Variants in SOX6 observed in about 807,000 individuals in gnomAD.
The protein encoded by SOX6 is transcription factor SOX-6.
A neutral mutation model predicts 97.8 loss-of-function variants in SOX6; 11 were observed. The observed-to-expected ratio is 0.11, with a 90% confidence interval of 0.07 to 0.19. The LOEUF is 0.19. Ranked by LOEUF, SOX6 falls within the 10% of genes least tolerant of loss-of-function variation. The probability of loss-of-function intolerance (pLI) is 1.00; values close to 1 mark genes in which losing one functional copy is unlikely to be tolerated. For missense variants in SOX6, 810 were observed against 1,039.5 expected, an observed-to-expected ratio of 0.78 and a Z score of 3.04; for synonymous variants, 360 against 371.4, an observed-to-expected ratio of 0.97 and a Z score of 0.35.
intron 6 of SOX6, among the ~76,000 whole-genome samples, chr11:16,159,027 C>T (rs1157174721): frequency 2.0e-5 from 3 of 151,990 alleles, no homozygotes; most frequent in African/African-American, 7.2e-5. Flanking sequence ...CATCTCCTTT[C>T]TTTGCAGGAG....
intron 4 of SOX6, among the ~76,000 whole-genome samples, chr11:16,537,360 A>G (rs919133315): frequency 2.0e-5 from 3 of 152,172 alleles, no homozygotes; most frequent in Non-Finnish European, 4.4e-5. Flanking sequence ...AACCACAAAC[A>G]TGAGGAGAAA....
intron 4 of SOX6, among the ~76,000 whole-genome samples, chr11:16,537,508 C>T (rs1240068534): frequency 6.6e-6 from 1 of 152,042 alleles, no homozygotes; most frequent in African/African-American, 2.4e-5. Context: ...TTCAGAAGGT[C>T]GGTAACAACA....
chr11:16,167,978 A>G (rs1850929333), intron 6 of SOX6, among the ~76,000 whole-genome samples: 1 of 152,232 alleles, frequency 6.6e-6, no homozygotes, highest in Admixed American at 6.5e-5. Context: ...AGTATCAGAA[A>G]CATAACAACT....
At chr11:16,246,269 T>C (rs531859247) in intron 3 of SOX6, among the ~76,000 whole-genome samples, 2 of 151,834 alleles carry the variant, frequency 1.3e-5, no homozygotes, top group Admixed American at 1.3e-4. Flanking sequence ...TTCTATAGAA[T>C]CAATCATATT....
chr11:16,437,384 C>T (rs901448989), intron 1 of SOX6, among the ~76,000 whole-genome samples: 1 of 152,036 alleles, frequency 6.6e-6, no homozygotes, highest in Non-Finnish European at 1.5e-5. Context: ...CCCATATCCC[C>T]ATACCCAACC....
chr11:16,563,234 TG>T (rs1847835512), intron 4 of SOX6, among the ~76,000 whole-genome samples: 2 of 151,392 alleles, frequency 1.3e-5, no homozygotes, highest in African/African-American at 4.9e-5. Flanking sequence ...AAGAACCAAA[TG>T]AAAAAAAAAC....
At chr11:16,683,405 GA>G (rs1406623833) in intron 3 of SOX6, among the ~76,000 whole-genome samples, 1 of 152,028 alleles carries the variant, frequency 6.6e-6, no homozygotes, top group Non-Finnish European at 1.5e-5. Flanking sequence ...CAATAGAACA[GA>G]ACAGAGGCCT....
chr11:16,065,676 T>C (rs915809766), intron 9 of SOX6, among the ~76,000 whole-genome samples: 3 of 152,022 alleles, frequency 2.0e-5, no homozygotes, highest in Non-Finnish European at 4.4e-5. Context: ...ATCTCTTCAA[T>C]AAATGGGGCT....
chr11:16,512,503 A>G (rs1860895328), intron 4 of SOX6, among the ~76,000 whole-genome samples: 1 of 152,250 alleles, frequency 6.6e-6, no homozygotes, highest in Non-Finnish European at 1.5e-5. Context: ...GCAGTGCTCA[A>G]GAAGCACACA....
intron 3 of SOX6, among the ~76,000 whole-genome samples, chr11:16,638,616 T>G (rs1452368911): frequency 6.6e-6 from 1 of 152,226 alleles, no homozygotes; most frequent in African/African-American, 2.4e-5. Flanking sequence ...CCATTCTAAC[T>G]GGTCTGAGAT....
chr11:16,515,181 T>C (rs1860949857), intron 4 of SOX6, among the ~76,000 whole-genome samples: 1 of 151,796 alleles, frequency 6.6e-6, no homozygotes, highest in Admixed American at 6.6e-5. Context: ...AAAGTGTTCC[T>C]ATTTCTCCAC....
chr11:16,676,891 T>TG (rs1471196949), intron 3 of SOX6, among the ~76,000 whole-genome samples: 3 of 152,116 alleles, frequency 2.0e-5, no homozygotes, highest in African/African-American at 7.2e-5. Context: ...TCAGGTTTTT[T>TG]TTTTTAGTAT....
chr11:16,086,112 G>A (rs1564946638), intron 9 of SOX6, among the ~76,000 whole-genome samples: 2 of 152,112 alleles, frequency 1.3e-5, no homozygotes, highest in Admixed American at 6.6e-5. Context: ...CTGAATAATT[G>A]CTGAAACAAT....
chr11:16,374,686 ACACACT>A (rs934659234), intron 1 of SOX6, among the ~76,000 whole-genome samples: 1 of 152,056 alleles, frequency 6.6e-6, no homozygotes, highest in African/African-American at 2.4e-5. Context: ...AAACAAACAA[ACACACT>A]CACATGGCAA....
At chr11:16,632,055 T>C (rs919797530) in intron 3 of SOX6, among the ~76,000 whole-genome samples, 2 of 152,230 alleles carry the variant, frequency 1.3e-5, no homozygotes, top group Admixed American at 1.3e-4. Context: ...ATCCATGCTT[T>C]GAATTCTTTA....
chr11:16,123,189 T>C (rs1849534063), intron 6 of SOX6, among the ~76,000 whole-genome samples: 1 of 152,064 alleles, frequency 6.6e-6, no homozygotes, highest in Non-Finnish European at 1.5e-5. Flanking sequence ...GAGCCAAGAA[T>C]ACAGTTTACC....
At chr11:16,496,934 C>T (rs11529132) in intron 4 of SOX6, among the ~76,000 whole-genome samples, 33,489 of 152,182 alleles carry the variant, frequency 0.22, 4,183 homozygotes, top group East Asian at 0.51. Context: ...CCTCTGCAGA[C>T]TTAAATGTCC....
chr11:16,597,217 T>C (rs1848221707), intron 4 of SOX6, among the ~76,000 whole-genome samples: 1 of 152,048 alleles, frequency 6.6e-6, no homozygotes. Flanking sequence ...AGAGACTTTC[T>C]CATGCCATGG....
chr11:16,035,055 A>G (rs927188915), intron 12 of SOX6, among the ~76,000 whole-genome samples: 5 of 152,262 alleles, frequency 3.3e-5, no homozygotes, highest in African/African-American at 4.8e-5. Flanking sequence ...ATTTATACCC[A>G]CAATGAGAAA....
Sources: allele counts gnomAD v4.1 joint callset (sites outside exome capture counted in the v4.1 genomes callset), GRCh38; gene constraint gnomAD v4.1.1; transcripts MANE v1.5; gene names NCBI Gene and HGNC (gene_info 2026-07-23, HGNC 2026-07-21).